FAM53C: variants seen among roughly 807,000 people sequenced by gnomAD.
FAM53C encodes the protein protein FAM53C.
FAM53C carries 10 observed loss-of-function variants against 34.7 expected under a neutral mutation model. The ratio of observed to expected loss-of-function variants is 0.29; its 90% CI spans 0.18 to 0.49. The LOEUF is 0.49. FAM53C is among the 20% of genes least tolerant of loss of function. The probability of loss-of-function intolerance (pLI) is 0.99; values close to 1 mark genes in which losing one functional copy is unlikely to be tolerated. For synonymous variants in FAM53C, 203 were observed against 203.6 expected (o/e 1.00, Z 0.03); for missense variants, 442 against 515.3 (o/e 0.86, Z 1.38).
rs1761264719 is a variant in FAM53C, at chr5:138,349,514, C to G, written c.*2555C>G. Reference sequence around the variant, plus strand: ...CTCTCCTCCTGTGCCCAGTGACTGCCCAGTGGCAGCTCAGCTGCCCTTCAC... The same window carrying G: ...CTCTCCTCCTGTGCCCAGTGACTGCGCAGTGGCAGCTCAGCTGCCCTTCAC... On this transcript the variant is annotated 3_prime_UTR_variant, in exon 5 of 5. Coordinates refer to ENST00000239906, the MANE Select transcript of FAM53C (RefSeq NM_016605.3). The G allele has an allele frequency of 6.6e-6, 1 of 152,620 alleles. No individual in the cohort carries two copies. Among genetic ancestry groups the G allele is most frequent in the South Asian group, 2.1e-4 (1 of 4,822 alleles). 9.5% of individuals were successfully genotyped at this position (152,620 alleles called of 1,614,324 possible).
rs1226973855 is a variant in FAM53C, at chr5:138,345,526, G to A, written c.838G>A (p.Ala280Thr). 1.9e-6 allele frequency: 3 copies of A among 1,614,078 alleles called. No individual in the cohort carries two copies. Among genetic ancestry groups the A allele is most frequent in the African/African-American group, 1.3e-5 (1 of 75,062 alleles). The change falls in exon 4 of 5, where the codon GCC becomes ACC. Residue 280 changes from alanine to threonine, a missense_variant. Coordinates refer to ENST00000239906, the MANE Select transcript of FAM53C (RefSeq NM_016605.3). This position sits in a 1 kb window ranked among gnomAD's most constrained non-coding sequence, Gnocchi z 6.3. ...CCGCTCACAGCCTTGTGATCTGGAT[G>A]CCCGCAAAACTGGGGTCAAGCGGCG... ...RSRSQPCDLD[A>T]RKTGVKRRHE...
At chr5:138,338,596 C>A (rs903321964) in intron 1 of FAM53C, among the ~76,000 whole-genome samples, 6 of 150,638 alleles carry the variant, frequency 4.0e-5, no homozygotes, top group Admixed American at 2.0e-4. Context: ...CGCACCCCCC[C>A]CCCCGCCCCG....
chr5:138,346,611 G>A (rs1004729674), intron 4 of FAM53C, 91 bp from the exon 5 acceptor site: 3 of 1,514,468 alleles, frequency 2.0e-6, no homozygotes, highest in African/African-American at 2.8e-5. Context: ...GTGACAGAGT[G>A]AGACTCCGTC....
rs1216253729 is a variant in FAM53C at position 138,338,322 on chromosome 5, G to A, written c.-153+15G>A. 3 of 492,148 alleles carry A rather than the reference G, an allele frequency of 6.1e-6. No homozygotes were observed. The highest frequency in any genetic ancestry group is 1.6e-5 in the South Asian group (1 of 64,476). 30.5% of individuals were successfully genotyped at this position (492,148 alleles called of 1,614,324 possible). On this transcript the variant is annotated intron_variant, in intron 1 of 4. Transcript: ENST00000239906. ...GAGGAACCGCGGTAGGTGGTGGAGGGCAGGTGGCGCTGGGGCCTCGGGGCG... is the reference window on the plus strand; with the variant it reads ...GAGGAACCGCGGTAGGTGGTGGAGGACAGGTGGCGCTGGGGCCTCGGGGCG...
chr5:138,347,431 G>A lies in FAM53C; in HGVS notation c.*472G>A, dbSNP rs1761212877. 1 of 172,034 alleles carries A rather than the reference G, an allele frequency of 5.8e-6. No homozygotes were observed. Among genetic ancestry groups the A allele is most frequent in the Non-Finnish European group, 1.3e-5 (1 of 78,714 alleles). The allele number at this position is 172,034 out of a possible 1,614,324, so 10.7% of individuals were successfully genotyped here. A position where few individuals can be genotyped will look rare whatever the true frequency, so the allele number is the denominator to read the frequency against. ...GTGTGTTTGCGTAGCCTTAGGGAAG[G>A]AAGGCAATTGCTCCTTAACAGCAGA... On this transcript the variant is annotated 3_prime_UTR_variant, in exon 5 of 5. Coordinates refer to ENST00000239906, the MANE Select transcript of FAM53C (RefSeq NM_016605.3).
chr5:138,338,367 C>A (rs1486818798), intron 1 of FAM53C, 60 bp downstream of exon 1: 3 of 398,222 alleles, frequency 7.5e-6, no homozygotes, highest in Non-Finnish European at 1.5e-5. Flanking sequence ...ACCGTCCCTC[C>A]CTCCTTCCCT....
chr5:138,341,150 A>G (rs1761021337), intron 1 of FAM53C, 34 bp from the exon 2 acceptor site: 1 of 711,382 alleles, frequency 1.4e-6, no homozygotes, highest in Non-Finnish European at 2.6e-6. Flanking sequence ...GTGCATCTCT[A>G]ATATCACTTG....
Position 138,345,750 on chromosome 5 carries a change from A to C in FAM53C, c.921+141A>C, listed in dbSNP as rs1761157039. 9.9e-7 allele frequency: 1 copy of C among 1,011,502 alleles called. No homozygotes were observed. The highest frequency in any genetic ancestry group is 2.9e-5 in the Admixed American group (1 of 34,938). 62.7% of individuals were successfully genotyped at this position (1,011,502 alleles called of 1,614,324 possible). On this transcript the variant is annotated intron_variant, in intron 4 of 4. Coordinates refer to ENST00000239906, the MANE Select transcript of FAM53C (RefSeq NM_016605.3). This position sits in a 1 kb window ranked among gnomAD's most constrained non-coding sequence, Gnocchi z 6.3. Reference sequence around the variant, plus strand: ...CTTTAGCTCTTAGCTAGGGTGACCTACCATCCCAGTTTGCCTGGGACTGTC... The same window carrying C: ...CTTTAGCTCTTAGCTAGGGTGACCTCCCATCCCAGTTTGCCTGGGACTGTC...
chr5:138,345,303 C>G lies in FAM53C; in HGVS notation c.615C>G (p.Pro205=). ...SLALAQDSSR[P]CAASPQSGSW... is the part of the protein sequence containing the mutation. ...CCCTGGCCCAAGATTCCTCTCGACCCTGCGCCGCCTCCCCTCAAAGTGGCT... is the reference window on the plus strand; with the variant it reads ...CCCTGGCCCAAGATTCCTCTCGACCGTGCGCCGCCTCCCCTCAAAGTGGCT... The change falls in exon 4 of 5, where the codon CCC becomes CCG. Residue 205 remains proline (P), a synonymous_variant. Coordinates refer to ENST00000239906, the MANE Select transcript of FAM53C (RefSeq NM_016605.3). This position sits in a 1 kb window ranked among gnomAD's most constrained non-coding sequence, Gnocchi z 6.3. 1.9e-6 allele frequency: 3 copies of G among 1,614,240 alleles called. No homozygotes were observed. The highest frequency in any genetic ancestry group is 2.5e-6 in the Non-Finnish European group (3 of 1,180,034).
chr5:138,337,617 G>A, upstream of FAM53C: 1 of 303,536 alleles, frequency 3.3e-6, no homozygotes, highest in South Asian at 2.7e-5. Context: ...AAGTGTTCTG[G>A]GTGAGGGCAA....
rs1390562200 is a variant in FAM53C, at chr5:138,346,745, A to G, written c.965A>G (p.Glu322Gly). 1 of 1,614,034 alleles carries G rather than the reference A, an allele frequency of 6.2e-7. No individual in the cohort carries two copies. Among genetic ancestry groups the G allele is most frequent in the African/African-American group, 1.3e-5 (1 of 74,938 alleles). The change falls in exon 5 of 5, where the codon GAA becomes GGA. Residue 322 changes from glutamate (E) to glycine (G), a missense_variant. Coordinates refer to ENST00000239906, the MANE Select transcript of FAM53C (RefSeq NM_016605.3). Reference protein sequence around the residue: ...GGLCLQETAREGSSISPPWFM... With the variant: ...GGLCLQETARGGSSISPPWFM... ...CTTTGTCTCCAAGAAACAGCCCGGG[A>G]AGGCAGCAGCATCTCTCCACCATGG...
In FAM53C at chr5:138,345,682, C is replaced by A; in HGVS notation, c.921+73C>A. 6 of 1,510,698 alleles carry A rather than the reference C, an allele frequency of 4.0e-6. No individual in the cohort carries two copies. Among genetic ancestry groups the A allele is most frequent in the Non-Finnish European group, 5.4e-6 (6 of 1,115,950 alleles). The allele number at this position is 1,510,698 out of a possible 1,614,324, so 93.6% of individuals were successfully genotyped here. The stretch of plus-strand genomic sequence containing the variant: ...TTCTGTTTCCACTTTTGAGCTAGCC[C>A]CTAGCTTCATTACCCTGCCGCCCCC... On this transcript the variant is annotated intron_variant, in intron 4 of 4. Transcript: ENST00000239906. This position sits in a 1 kb window ranked among gnomAD's most constrained non-coding sequence, Gnocchi z 6.3.
chr5:138,346,758 C>A lies in FAM53C; in HGVS notation c.978C>A (p.Ile326=). The A allele has an allele frequency of 6.2e-7, 1 of 1,614,196 alleles. No individual in the cohort carries two copies. The highest frequency in any genetic ancestry group is 8.5e-7 in the Non-Finnish European group (1 of 1,180,040). ...AAACAGCCCGGGAAGGCAGCAGCAT[C>A]TCTCCACCATGGTTCATGGCCTGTA... The part of the protein sequence containing the change: ...LQETAREGSS[I]SPPWFMACSP... The change falls in exon 5 of 5, where the codon ATC becomes ATA. Residue 326 remains isoleucine (I), a synonymous_variant. Coordinates refer to ENST00000239906, the MANE Select transcript of FAM53C (RefSeq NM_016605.3).
At chr5:138,346,361 A>C (rs10900852) in intron 4 of FAM53C, among the ~76,000 whole-genome samples, 13,521 of 152,282 alleles carry the variant, frequency 0.089, 792 homozygotes, top group Non-Finnish European at 0.12. Context: ...CATGGTGGCT[A>C]ACGCCTGTAA....
intron 4 of FAM53C, among the ~76,000 whole-genome samples, chr5:138,346,302 A>G (rs556888997): frequency 1.1e-4 from 16 of 152,308 alleles, no homozygotes; most frequent in Non-Finnish European, 1.5e-4. Flanking sequence ...CTTCAATTCA[A>G]TGGAAACAAT....
At position 138,346,689 on chromosome 5, in the gene FAM53C, G is replaced by C; in HGVS notation, c.922-13G>C. The C allele has an allele frequency of 1.2e-6, 2 of 1,613,920 alleles. No homozygotes were observed. The highest frequency in any genetic ancestry group is 1.1e-5 in the South Asian group (1 of 91,060). ...GCCTTCAGGTGTAACTGTCTTCTTT[G>C]TTTGTTTGACAGAAACCATACTCAG... On this transcript the variant is annotated splice_polypyrimidine_tract_variant and intron_variant, in intron 4 of 4. Coordinates refer to ENST00000239906, the MANE Select transcript of FAM53C (RefSeq NM_016605.3).
In FAM53C at chr5:138,345,915, A is replaced by G. The variant is rs1761160979; in HGVS notation, c.921+306A>G. ...CAAGAGGTACTTTCCCTCCTTTCCA[A>G]GAATGCACAAGCTGCAAAAAATTCC... On this transcript the variant is annotated intron_variant, in intron 4 of 4. Transcript: ENST00000239906. The surrounding 1 kb of genome is among the most constrained non-coding windows in gnomAD (Gnocchi z 6.3). 6.6e-6 allele frequency among the ~76,000 whole-genome samples: 1 copy of G among 152,198 alleles called. No homozygotes were observed. Among genetic ancestry groups the G allele is most frequent in the Non-Finnish European group, 1.5e-5 (1 of 68,032 alleles).
intron 1 of FAM53C, among the ~76,000 whole-genome samples, chr5:138,339,776 G>T (rs1760975173): frequency 6.6e-6 from 1 of 152,238 alleles, no homozygotes. Context: ...GCATGAAAAT[G>T]ATAGTTAACT....
At chr5:138,343,423 T>A (rs1420273661) in intron 3 of FAM53C, among the ~76,000 whole-genome samples, 1 of 149,744 alleles carries the variant, frequency 6.7e-6, no homozygotes, top group Non-Finnish European at 1.5e-5. Context: ...GGCAGGAGAA[T>A]CCCTGGAATC....
Sources: allele counts gnomAD v4.1 joint callset (sites outside exome capture counted in the v4.1 genomes callset), GRCh38; gene constraint gnomAD v4.1.1; non-coding constraint Gnocchi (gnomAD v3.1); transcripts MANE v1.5; gene names NCBI Gene and HGNC (gene_info 2026-07-23, HGNC 2026-07-21).